The following DLG1 variants were observed in gnomAD, a reference collection of about 807,000 sequenced individuals.
The protein encoded by DLG1 is discs large MAGUK scaffold protein 1.
DLG1 carries 42 observed loss-of-function variants against 123.4 expected under a neutral mutation model. The observed-to-expected ratio is 0.34, with a 90% confidence interval of 0.27 to 0.44. DLG1 has a LOEUF of 0.44. Among genes scored for constraint, DLG1 ranks in the 20% least tolerant of loss-of-function variants. DLG1 has a pLI of 1.00. For synonymous variants in DLG1, 317 were observed against 356.2 expected, an observed-to-expected ratio of 0.89 and a Z score of 1.24; for missense variants, 942 against 1,082.6, an observed-to-expected ratio of 0.87 and a Z score of 1.82.
chr3:197,165,827 C>G (rs1358587249), intron 5 of DLG1, among the ~76,000 whole-genome samples: 1 of 152,192 alleles, frequency 6.6e-6, no homozygotes, highest in African/African-American at 2.4e-5. Flanking sequence ...ATACTGATTC[C>G]TACCCTTAAA....
chr3:197,205,233 A>C (rs1220244320), intron 4 of DLG1, among the ~76,000 whole-genome samples: 2 of 152,130 alleles, frequency 1.3e-5, no homozygotes, highest in Non-Finnish European at 2.9e-5. Context: ...TGTTGTTATG[A>C]TTTTATAGGA....
intron 4 of DLG1, among the ~76,000 whole-genome samples, chr3:197,197,999 TA>T (rs1448699272): frequency 6.6e-5 from 10 of 152,120 alleles, no homozygotes; most frequent in Admixed American, 5.9e-4. Flanking sequence ...AACCAAAACT[TA>T]AATATGAGTT....
At chr3:197,267,429 C>T (rs1762153505) in intron 4 of DLG1, among the ~76,000 whole-genome samples, 1 of 152,178 alleles carries the variant, frequency 6.6e-6, no homozygotes. Flanking sequence ...CTGTTCCCTT[C>T]TTCACTTTAT....
chr3:197,168,961 G>T (rs1177455061), intron 5 of DLG1, among the ~76,000 whole-genome samples: 2 of 152,146 alleles, frequency 1.3e-5, no homozygotes, highest in African/African-American at 2.4e-5. Context: ...ATATTTTAAA[G>T]TACCTTTTAA....
chr3:197,248,361 A>C (rs1752783362), intron 4 of DLG1, among the ~76,000 whole-genome samples: 1 of 152,082 alleles, frequency 6.6e-6, no homozygotes, highest in Admixed American at 6.6e-5. Context: ...GGTGGGTCTC[A>C]ATCTCTTACC....
intron 19 of DLG1, among the ~76,000 whole-genome samples, chr3:197,068,310 C>T (rs1011747888): frequency 6.6e-5 from 10 of 152,020 alleles, no homozygotes; most frequent in South Asian, 4.1e-4. Flanking sequence ...GCCTAGAAAG[C>T]CACTCAACTA....
intron 5 of DLG1, among the ~76,000 whole-genome samples, chr3:197,159,715 G>A (rs1050000584): frequency 2.6e-5 from 4 of 152,060 alleles, no homozygotes; most frequent in African/African-American, 9.7e-5. Flanking sequence ...ACTTATTCTG[G>A]AAAATGAGGT....
chr3:197,114,235 G>A (rs1771755505), intron 13 of DLG1, among the ~76,000 whole-genome samples: 1 of 152,126 alleles, frequency 6.6e-6, no homozygotes, highest in South Asian at 2.1e-4. Context: ...TGACTCCTCT[G>A]ACTCAGTAGG....
intron 5 of DLG1, among the ~76,000 whole-genome samples, chr3:197,156,039 A>G (rs1231992765): frequency 1.3e-5 from 2 of 152,250 alleles, no homozygotes; most frequent in Admixed American, 1.3e-4. Flanking sequence ...AGCTAACATT[A>G]TAACTTTGAT....
intron 14 of DLG1, 143 bp downstream of exon 14, chr3:197,104,760 T>C: frequency 1.1e-5 from 7 of 639,988 alleles, no homozygotes; most frequent in Non-Finnish European, 1.9e-5. Flanking sequence ...AGGTTCAGAC[T>C]AAACAAATAC....
intron 23 of DLG1, among the ~76,000 whole-genome samples, chr3:197,057,550 T>C (rs1560366728): frequency 6.6e-6 from 1 of 151,966 alleles, no homozygotes; most frequent in African/African-American, 2.4e-5. Context: ...CCAATGAAGA[T>C]GCACCAATCT....
chr3:197,190,867 A>G (rs950524473), intron 5 of DLG1, among the ~76,000 whole-genome samples: 18 of 152,146 alleles, frequency 1.2e-4, no homozygotes, highest in Admixed American at 1.0e-3. Context: ...AATATTAGCC[A>G]GGCGTGGTGG....
chr3:197,297,904 G>A (rs1459424623), intron 1 of DLG1: 39 of 984,512 alleles, frequency 4.0e-5, no homozygotes, highest in Non-Finnish European at 4.5e-5. Context: ...CCCCGCCCGG[G>A]GCCCGCGGAG....
chr3:197,061,048 C>T (rs1400165939), intron 22 of DLG1, among the ~76,000 whole-genome samples: 1 of 152,186 alleles, frequency 6.6e-6, no homozygotes, highest in African/African-American at 2.4e-5. Context: ...AAGTGATCCA[C>T]CCACCTTGGC....
chr3:197,280,345 GT>G (rs1768671772), intron 4 of DLG1, among the ~76,000 whole-genome samples: 2 of 147,588 alleles, frequency 1.4e-5, no homozygotes, highest in African/African-American at 4.9e-5. Context: ...TTTTGTGTGT[GT>G]GTGTGTGTGT....
chr3:197,126,189 T>C (rs1206492727), intron 11 of DLG1, among the ~76,000 whole-genome samples: 2 of 152,050 alleles, frequency 1.3e-5, no homozygotes, highest in Admixed American at 6.6e-5. Context: ...AAAAGTAACA[T>C]AATCAGCTGG....
At chr3:197,046,869 C>CAA (rs536347970) in intron 24 of DLG1, among the ~76,000 whole-genome samples, 2 of 143,796 alleles carry the variant, frequency 1.4e-5, no homozygotes, top group African/African-American at 5.1e-5. Context: ...GACCCTGGCT[C>CAA]AAAAAAAAAC....
chr3:197,223,131 T>A lies in DLG1; in HGVS notation c.319-28542A>T, dbSNP rs143994449. 4.1e-4 allele frequency among the ~76,000 whole-genome samples: 62 copies of A among 152,310 alleles called. No homozygotes were observed. The East Asian group carries it at 0.011, about 27-fold the overall frequency. ...AAGAACTGCCTCCTAAACAGCTTCATAGTCTCTACATTAAGAACTTGAATG... is the reference window on the plus strand; with the variant it reads ...AAGAACTGCCTCCTAAACAGCTTCAAAGTCTCTACATTAAGAACTTGAATG... On this transcript the variant is annotated intron_variant, in intron 4 of 24. Coordinates refer to ENST00000667157, the MANE Select transcript of DLG1 (RefSeq NM_001366207.1).
intron 3 of DLG1, among the ~76,000 whole-genome samples, chr3:197,286,916 G>C (rs1352218369): frequency 1.3e-5 from 2 of 150,808 alleles, no homozygotes; most frequent in Non-Finnish European, 2.9e-5. Context: ...TAAAGAGACA[G>C]AGTCTCACTC....
Sources: allele counts gnomAD v4.1 joint callset (sites outside exome capture counted in the v4.1 genomes callset), GRCh38; gene constraint gnomAD v4.1.1; transcripts MANE v1.5; gene names NCBI Gene and HGNC (gene_info 2026-07-23, HGNC 2026-07-21).